Variants in KAZN observed in about 807,000 individuals in gnomAD.
The protein encoded by KAZN is kazrin.
KAZN carries 40 observed loss-of-function variants against 87.4 expected under a neutral mutation model. The observed-to-expected ratio is 0.46, with a 90% CI of 0.36 to 0.60. The LOEUF is 0.60. Among genes scored for constraint, KAZN ranks in the 20% least tolerant of loss-of-function variants. The pLI is 0.00. For missense variants in KAZN, 898 were observed against 1,073.9 expected (o/e 0.84, Z 2.29); for synonymous variants, 466 against 458.3 (o/e 1.02, Z -0.22).
chr1:14,519,528 C>T (rs1443054317), intron 2 of KAZN, among the ~76,000 whole-genome samples: 3 of 152,116 alleles, frequency 2.0e-5, no homozygotes, highest in Non-Finnish European at 4.4e-5. Context: ...TTTTTCTTAC[C>T]CCCAGTGGCA....
intron 1 of KAZN, among the ~76,000 whole-genome samples, chr1:14,036,625 T>C (rs1641570704): frequency 6.6e-6 from 1 of 151,934 alleles, no homozygotes; most frequent in Admixed American, 6.6e-5. Context: ...TGATTGCACC[T>C]GCACTCCAGC....
At chr1:14,501,490 T>C (rs1312612095) in intron 2 of KAZN, among the ~76,000 whole-genome samples, 4 of 152,216 alleles carry the variant, frequency 2.6e-5, no homozygotes, top group Admixed American at 1.3e-4. Flanking sequence ...TCTATTTCTA[T>C]ACATTAGCGA....
intron 2 of KAZN, among the ~76,000 whole-genome samples, chr1:14,378,812 A>G (rs1054376002): frequency 6.6e-6 from 1 of 152,114 alleles, no homozygotes; most frequent in Admixed American, 6.5e-5. Context: ...AAGGCAGTCT[A>G]GGCCACAAAG....
chr1:14,976,755 T>C (rs1665673069), intron 2 of KAZN, among the ~76,000 whole-genome samples: 1 of 152,022 alleles, frequency 6.6e-6, no homozygotes, highest in East Asian at 1.9e-4. Context: ...GGCAGGGCGC[T>C]CAAAAACTGG....
intron 1 of KAZN, among the ~76,000 whole-genome samples, chr1:14,091,921 G>A (rs1046999272): frequency 3.3e-5 from 5 of 152,044 alleles, no homozygotes; most frequent in Non-Finnish European, 4.4e-5. Context: ...GAAAGAGCAC[G>A]CTAACAATGT....
intron 1 of KAZN, among the ~76,000 whole-genome samples, chr1:14,114,701 A>T (rs1644574850): frequency 6.6e-6 from 1 of 152,164 alleles, no homozygotes; most frequent in Non-Finnish European, 1.5e-5. Context: ...AACTTTCAAT[A>T]CCTTGATCTC....
At chr1:14,308,783 T>TAAG (rs61614444) in intron 2 of KAZN, among the ~76,000 whole-genome samples, 14,118 of 152,140 alleles carry the variant, frequency 0.093, 730 homozygotes, top group Non-Finnish European at 0.11. Flanking sequence ...AAGCATTCAG[T>TAAG]CATCAGTATG....
chr1:14,132,799 C>T (rs1645019100), intron 1 of KAZN, among the ~76,000 whole-genome samples: 1 of 152,086 alleles, frequency 6.6e-6, no homozygotes, highest in African/African-American at 2.4e-5. Flanking sequence ...TCCCTTTGGA[C>T]TTTTCTCTAA....
chr1:15,054,343 T>A (rs1001044518), intron 4 of KAZN, among the ~76,000 whole-genome samples: 1 of 152,126 alleles, frequency 6.6e-6, no homozygotes, highest in Non-Finnish European at 1.5e-5. Context: ...TGCCCTGTCA[T>A]GAGCCCCCGG....
rs1014683562 is a variant in KAZN at position 14,414,630 on chromosome 1, ATGTGTG to A, written c.250-184345_250-184340del. ...GCACATACCGTGTGTGTGTGTGTGT[ATGTGTG>A]TGTGTGTTATACGTATGTAGCAAAA... On this transcript the variant is annotated intron_variant, in intron 2 of 16. Coordinates refer to the KAZN transcript ENST00000636203. Among the ~76,000 whole-genome samples the A allele has an allele frequency of 7.4e-5, 11 of 149,058 alleles. No individual in the cohort carries two copies. In the East Asian group the frequency reaches 1.7e-3, roughly 24 times the overall value.
chr1:14,060,875 TTAC>T (rs983280130), intron 1 of KAZN, among the ~76,000 whole-genome samples: 1 of 152,176 alleles, frequency 6.6e-6, no homozygotes, highest in Non-Finnish European at 1.5e-5. Context: ...TCCATGTAAG[TTAC>T]CCAAATCCTT....
chr1:14,002,885 A>G (rs1307333334), intron 1 of KAZN, among the ~76,000 whole-genome samples: 1 of 152,210 alleles, frequency 6.6e-6, no homozygotes, highest in Non-Finnish European at 1.5e-5. Context: ...AAATTATTCT[A>G]CTATAAAGAC....
intron 2 of KAZN, among the ~76,000 whole-genome samples, chr1:14,403,015 C>T (rs940160268): frequency 3.9e-5 from 6 of 152,114 alleles, no homozygotes; most frequent in East Asian, 3.9e-4. Context: ...CTAGTAGAGA[C>T]GAGGTTTCGC....
intron 1 of KAZN, among the ~76,000 whole-genome samples, chr1:14,935,296 G>A (rs567786074): frequency 9.9e-5 from 15 of 152,132 alleles, no homozygotes; most frequent in Admixed American, 8.5e-4. Flanking sequence ...GCTGGAGTGC[G>A]GTGGCGCAAT....
At position 14,341,515 on chromosome 1, in the gene KAZN, GGC is replaced by G. The variant is rs1007115301; in HGVS notation, c.249+160924_249+160925del. Among the ~76,000 whole-genome samples the G allele has an allele frequency of 1.6e-4, 24 of 152,250 alleles. 1 individual carries two copies. Among genetic ancestry groups the G allele is most frequent in the Admixed American group, 1.4e-3 (21 of 15,294 alleles). ...ACTTGTCCTTCCTTCACTTCTGTCT[GGC>G]CACACAGGCCTCTTGGCTGCTCTGC... On this transcript the variant is annotated intron_variant, in intron 2 of 16. Transcript: ENST00000636203.
At chr1:14,345,425 T>C (rs1658035970) in intron 2 of KAZN, among the ~76,000 whole-genome samples, 1 of 152,096 alleles carries the variant, frequency 6.6e-6, no homozygotes, top group Admixed American at 6.5e-5. Flanking sequence ...AGTAGCCACA[T>C]CAAAAAGGAA....
chr1:14,489,664 G>T (rs1669541117), intron 2 of KAZN, among the ~76,000 whole-genome samples: 2 of 151,438 alleles, frequency 1.3e-5, no homozygotes, highest in Admixed American at 6.6e-5. Flanking sequence ...AACCTGGGAG[G>T]CAGAGTTTGC....
intron 2 of KAZN, among the ~76,000 whole-genome samples, chr1:14,424,601 G>T (rs1272655830): frequency 1.3e-5 from 2 of 152,150 alleles, no homozygotes; most frequent in African/African-American, 4.8e-5. Flanking sequence ...GCCACAACTT[G>T]CCCCACACAC....
rs571665699 is a variant in KAZN, at chr1:14,992,860, T to A, written c.418+31985T>A. ...GGTTTCATCATGTTGGCCAGACTGG[T>A]CTCGAACTCCTGGACTCAAGCGATC... is the stretch of plus-strand genomic sequence containing the variant. On this transcript the variant is annotated intron_variant, in intron 2 of 14. Coordinates refer to ENST00000376030, the MANE Select transcript of KAZN (RefSeq NM_201628.3). 2.0e-5 allele frequency among the ~76,000 whole-genome samples: 3 copies of A among 151,914 alleles called. 1 individual carries two copies. In the Middle Eastern group the frequency reaches 0.01, roughly 520 times the overall value.
Sources: allele counts gnomAD v4.1 joint callset (sites outside exome capture counted in the v4.1 genomes callset), GRCh38; gene constraint gnomAD v4.1.1; transcripts MANE v1.5; gene names NCBI Gene and HGNC (gene_info 2026-07-23, HGNC 2026-07-21).